The following SPIN1 variants were observed in gnomAD, a reference collection of about 807,000 sequenced individuals.
SPIN1 encodes spindlin-1.
A neutral mutation model predicts 26.0 loss-of-function variants in SPIN1; 3 were observed. That is an observed-to-expected ratio of 0.12 (90% CI 0.05 to 0.30). The LOEUF is 0.30. Among genes scored for constraint, SPIN1 ranks in the 10% least tolerant of loss-of-function variants. The pLI is 1.00. For synonymous variants in SPIN1, 101 were observed against 116.5 expected (o/e 0.87, Z 0.86); for missense variants, 126 against 333.4 (o/e 0.38, Z 4.84).
chr9:88,433,279 C>T (rs776430994), intron 2 of SPIN1, among the ~76,000 whole-genome samples: 1 of 152,046 alleles, frequency 6.6e-6, no homozygotes, highest in African/African-American at 2.4e-5. Flanking sequence ...GATGGGGTTT[C>T]GCCATGTTGC....
chr9:88,444,803 G>A (rs1773093635), intron 2 of SPIN1, among the ~76,000 whole-genome samples: 1 of 149,388 alleles, frequency 6.7e-6, no homozygotes, highest in South Asian at 2.1e-4. Context: ...CCATTCTCCT[G>A]CCTCAGCCTC....
At chr9:88,450,327 A>C (rs1228011365) in intron 3 of SPIN1, among the ~76,000 whole-genome samples, 3 of 152,252 alleles carry the variant, frequency 2.0e-5, no homozygotes, top group African/African-American at 2.4e-5. Flanking sequence ...TTGCAGGACC[A>C]GAACAGTTCA....
chr9:88,445,603 C>T (rs753669718), intron 2 of SPIN1, among the ~76,000 whole-genome samples: 6 of 149,970 alleles, frequency 4.0e-5, no homozygotes, highest in Non-Finnish European at 7.4e-5. Flanking sequence ...AGTGCAGTGG[C>T]GTGATCTTGG....
chr9:88,450,487 A>G (rs188901627), intron 3 of SPIN1, among the ~76,000 whole-genome samples: 4 of 152,016 alleles, frequency 2.6e-5, no homozygotes, highest in African/African-American at 9.7e-5. Flanking sequence ...TGGGCATGTT[A>G]TTATAATGCG....
chr9:88,423,075 C>T (rs1827702415), intron 1 of SPIN1, among the ~76,000 whole-genome samples: 1 of 152,180 alleles, frequency 6.6e-6, no homozygotes. Context: ...TGTATCCTTC[C>T]CCCACTGCGA....
At chr9:88,388,811 A>G (rs1485567626) in intron 1 of SPIN1, among the ~76,000 whole-genome samples, 1 of 150,064 alleles carries the variant, frequency 6.7e-6, no homozygotes, top group African/African-American at 2.4e-5. Flanking sequence ...CCCCCCGCCA[A>G]CATGGCCGCC....
intron 2 of SPIN1, among the ~76,000 whole-genome samples, chr9:88,429,772 G>A (rs981503252): frequency 2.0e-5 from 3 of 152,082 alleles, no homozygotes; most frequent in Admixed American, 6.6e-5. Context: ...CCCCTGTCCC[G>A]TAACAGTGGG....
At chr9:88,435,072 T>G (rs1464162327) in intron 2 of SPIN1, among the ~76,000 whole-genome samples, 2 of 151,576 alleles carry the variant, frequency 1.3e-5, no homozygotes, top group Non-Finnish European at 2.9e-5. Flanking sequence ...AAAAAGCTTA[T>G]CTTTGTCAGT....
At chr9:88,394,613 TAAG>T (rs1827013022) in intron 1 of SPIN1, among the ~76,000 whole-genome samples, 1 of 152,162 alleles carries the variant, frequency 6.6e-6, no homozygotes, top group African/African-American at 2.4e-5. Context: ...ATAACACTAA[TAAG>T]CAACTGTAGC....
intron 2 of SPIN1, among the ~76,000 whole-genome samples, chr9:88,431,220 A>G (rs1827863336): frequency 6.6e-6 from 1 of 150,642 alleles, no homozygotes; most frequent in African/African-American, 2.4e-5. Context: ...TTGATGGTAC[A>G]AGGAATGTTA....
At chr9:88,409,187 G>T (rs908055188) in intron 1 of SPIN1, among the ~76,000 whole-genome samples, 37 of 149,864 alleles carry the variant, frequency 2.5e-4, no homozygotes, top group African/African-American at 7.8e-4. Context: ...TAGAGATGGG[G>T]TTTTTTCATG....
chr9:88,451,743 T>C (rs1474200106), intron 3 of SPIN1, among the ~76,000 whole-genome samples: 1 of 152,168 alleles, frequency 6.6e-6, no homozygotes, highest in Non-Finnish European at 1.5e-5. Flanking sequence ...GTATTTTTAG[T>C]ATAGACAGGG....
chr9:88,393,524 A>G (rs776515611), intron 1 of SPIN1, among the ~76,000 whole-genome samples: 5 of 126,416 alleles, frequency 4.0e-5, no homozygotes, highest in Non-Finnish European at 7.7e-5. Context: ...GCGCAGTCTC[A>G]GCTGACTGCA....
At chr9:88,433,456 GTC>G (rs1421971972) in intron 2 of SPIN1, among the ~76,000 whole-genome samples, 1 of 152,096 alleles carries the variant, frequency 6.6e-6, no homozygotes, top group Non-Finnish European at 1.5e-5. Context: ...TCTGCTATTA[GTC>G]TCTGTTTCAT....
intron 1 of SPIN1, among the ~76,000 whole-genome samples, chr9:88,397,938 T>G (rs1464362764): frequency 2.0e-5 from 3 of 151,806 alleles, no homozygotes; most frequent in African/African-American, 7.3e-5. Flanking sequence ...GTTGTTTTTT[T>G]GAGACGAGGT....
intron 4 of SPIN1, among the ~76,000 whole-genome samples, chr9:88,466,973 G>A (rs1828682050): frequency 6.6e-6 from 1 of 152,188 alleles, no homozygotes; most frequent in Non-Finnish European, 1.5e-5. Context: ...CTGGGCTCAA[G>A]TGATTCGCCC....
At chr9:88,453,440 G>A (rs527767671) in intron 3 of SPIN1, among the ~76,000 whole-genome samples, 10 of 152,114 alleles carry the variant, frequency 6.6e-5, no homozygotes, top group Non-Finnish European at 1.0e-4. Flanking sequence ...AGGATTTGGG[G>A]GCTGGTCTGG....
chr9:88,472,822 T>G (rs561122825), intron 5 of SPIN1, among the ~76,000 whole-genome samples: 3 of 152,334 alleles, frequency 2.0e-5, no homozygotes, highest in Non-Finnish European at 2.9e-5. Flanking sequence ...CTTCTAAGGA[T>G]TTTATTCTTT....
At chr9:88,431,748 TCTTCAGATTAATCC>T (rs1827877060) in intron 2 of SPIN1, among the ~76,000 whole-genome samples, 1 of 152,214 alleles carries the variant, frequency 6.6e-6, no homozygotes, top group African/African-American at 2.4e-5. Context: ...AGGCTTTCAA[TCTTCAGATTAATCC>T]TTTAGGTCAG....
Sources: allele counts gnomAD v4.1 joint callset (sites outside exome capture counted in the v4.1 genomes callset), GRCh38; gene constraint gnomAD v4.1.1; transcripts MANE v1.5; gene names NCBI Gene and HGNC (gene_info 2026-07-23, HGNC 2026-07-21).